PHACTR2: variants seen among roughly 807,000 people sequenced by gnomAD.
PHACTR2 encodes the protein chromosome 6 open reading frame 56.
Under a neutral mutation model 76.0 loss-of-function variants are expected in PHACTR2, and 30 were observed. The observed-to-expected ratio is 0.39, with a 90% CI of 0.30 to 0.54. The LOEUF (loss-of-function observed/expected upper bound fraction) is 0.54. Ranked by LOEUF, PHACTR2 falls within the 20% of genes least tolerant of loss-of-function variation. The pLI, the probability that PHACTR2 is intolerant of heterozygous loss-of-function variation, is 0.61. For synonymous variants in PHACTR2, 292 were observed against 292.5 expected, an observed-to-expected ratio of 1.00 and a Z score of 0.02; for missense variants, 696 against 781.1, an observed-to-expected ratio of 0.89 and a Z score of 1.30.
In PHACTR2 at chr6:143,754,484, T is replaced by C. The variant is rs1024180737; in HGVS notation, c.454+572T>C. Among the ~76,000 whole-genome samples, 5 of 152,226 alleles carry C rather than the reference T, an allele frequency of 3.3e-5. No individual in the cohort carries two copies. Among genetic ancestry groups the C allele is most frequent in the Admixed American group, 3.3e-4 (5 of 15,284 alleles). On this transcript the variant is annotated intron_variant, in intron 4 of 12. Coordinates refer to ENST00000440869, the MANE Select transcript of PHACTR2 (RefSeq NM_001100164.2). The surrounding 1 kb of genome is among the most constrained non-coding windows in gnomAD (Gnocchi z 6.2). ...TCTGCTGGCTGATTCCCACAGCCTCTGTGCAATTGGAAACTTCAAAATGTG... is the reference window on the plus strand; with the variant it reads ...TCTGCTGGCTGATTCCCACAGCCTCCGTGCAATTGGAAACTTCAAAATGTG...
chr6:143,744,894 A>G (rs1394814676), intron 2 of PHACTR2, among the ~76,000 whole-genome samples: 1 of 152,234 alleles, frequency 6.6e-6, no homozygotes, highest in Non-Finnish European at 1.5e-5. Context: ...CTGTCAAAAC[A>G]TCAATTAGCC....
chr6:143,748,047 T>C (rs1779105044), intron 2 of PHACTR2, among the ~76,000 whole-genome samples: 3 of 152,000 alleles, frequency 2.0e-5, no homozygotes, highest in Admixed American at 2.0e-4. Flanking sequence ...GCTTTACATG[T>C]CTGTGAAAAC....
At chr6:143,668,683 C>G (rs1777091226) in intron 1 of PHACTR2, among the ~76,000 whole-genome samples, 1 of 152,160 alleles carries the variant, frequency 6.6e-6, no homozygotes, top group Admixed American at 6.5e-5. Flanking sequence ...ATAGTATTCT[C>G]TGATAGTAGT....
At chr6:143,728,541 A>G (rs1228222551) in intron 2 of PHACTR2, among the ~76,000 whole-genome samples, 1 of 152,190 alleles carries the variant, frequency 6.6e-6, no homozygotes, top group African/African-American at 2.4e-5. Flanking sequence ...AATCCTGAGC[A>G]AAAAGAAGAA....
intron 12 of PHACTR2, among the ~76,000 whole-genome samples, chr6:143,814,123 T>G (rs1249500967): frequency 6.6e-6 from 1 of 152,142 alleles, no homozygotes. Flanking sequence ...TGGGGGGCCG[T>G]GGCCAGAGGA....
In PHACTR2 at chr6:143,783,081, T is replaced by C; in HGVS notation, c.1646-138T>C. 3.4e-6 allele frequency: 2 copies of C among 583,074 alleles called. No individual in the cohort carries two copies. The highest frequency in any genetic ancestry group is 6.3e-6 in the Non-Finnish European group (2 of 315,868). 36.1% of individuals were successfully genotyped at this position (583,074 alleles called of 1,614,324 possible). ...ATGATCAACCTTCCTACAAAATATT[T>C]TGACAACTTTTTAACAATGTTGGTT... On this transcript the variant is annotated intron_variant, in intron 9 of 12. Coordinates refer to ENST00000440869, the MANE Select transcript of PHACTR2 (RefSeq NM_001100164.2). The surrounding 1 kb of genome is among the most constrained non-coding windows in gnomAD (Gnocchi z 5.2).
rs1323983585 is a variant in PHACTR2, at chr6:143,750,870, T to A, written c.295+1805T>A. On this transcript the variant is annotated intron_variant, in intron 3 of 12. Coordinates refer to ENST00000440869, the MANE Select transcript of PHACTR2 (RefSeq NM_001100164.2). This position sits in a 1 kb window ranked among gnomAD's most constrained non-coding sequence, Gnocchi z 4.6. ...AATAATAGGCTTAATGTTTGAGAAG[T>A]CATAAAATACTAGATTTTACTTTCC... Among the ~76,000 whole-genome samples the A allele has an allele frequency of 6.6e-6, 1 of 152,182 alleles. No individual in the cohort carries two copies. Among genetic ancestry groups the A allele is most frequent in the Non-Finnish European group, 1.5e-5 (1 of 68,028 alleles).
chr6:143,620,681 T>G, intron 1 of PHACTR2, among the ~76,000 whole-genome samples: 1 of 151,924 alleles, frequency 6.6e-6, no homozygotes, highest in East Asian at 1.9e-4. Flanking sequence ...ATAAAATCCA[T>G]GTCTGCTTGA....
At chr6:143,711,182 A>C in intron 1 of PHACTR2, 1 of 360,830 alleles carries the variant, frequency 2.8e-6, no homozygotes, top group South Asian at 2.2e-5. Flanking sequence ...TCCAAGAAAA[A>C]ACTACTGTTT....
chr6:143,710,089 A>G lies in PHACTR2; in HGVS notation c.47-1927A>G, dbSNP rs2128460613. Among the ~76,000 whole-genome samples the G allele has an allele frequency of 6.6e-6, 1 of 152,222 alleles. No individual in the cohort carries two copies. The highest frequency in any genetic ancestry group is 2.4e-5 in the African/African-American group (1 of 41,526). ...AGCAGTTATTGTCTAAAAGTTTCTT[A>G]TGTTGCTACTCTGCCCCTTTCCTGG... On this transcript the variant is annotated intron_variant, in intron 1 of 12. Coordinates refer to ENST00000440869, the MANE Select transcript of PHACTR2 (RefSeq NM_001100164.2). The surrounding 1 kb of genome is among the most constrained non-coding windows in gnomAD (Gnocchi z 4.9).
At position 143,619,166 on chromosome 6, in the gene PHACTR2, A is replaced by G. The variant is rs1440381043; in HGVS notation, c.13+10844A>G. ...AATCTTCCTGCCTGTCTGTCTGTCC[A>G]TCCATCCATCCATCTACCTGCATGC... On this transcript the variant is annotated intron_variant, in intron 1 of 11. Transcript: ENST00000305766. This position sits in a 1 kb window ranked among gnomAD's most constrained non-coding sequence, Gnocchi z 4.5. Among the ~76,000 whole-genome samples, 1 of 151,432 alleles carries G rather than the reference A, an allele frequency of 6.6e-6. No homozygotes were observed. Among genetic ancestry groups the G allele is most frequent in the Non-Finnish European group, 1.5e-5 (1 of 67,786 alleles).
At chr6:143,686,984 CT>C (rs1562270007) in intron 1 of PHACTR2, among the ~76,000 whole-genome samples, 1 of 152,046 alleles carries the variant, frequency 6.6e-6, no homozygotes, top group African/African-American at 2.4e-5. Flanking sequence ...TTTTCAGCTA[CT>C]TTTTTTTCCT....
intron 2 of PHACTR2, among the ~76,000 whole-genome samples, chr6:143,746,854 C>T (rs1217320656): frequency 1.3e-5 from 2 of 151,438 alleles, no homozygotes; most frequent in Middle Eastern, 3.4e-3. Context: ...AAAAAAGACT[C>T]TTTGCCCGGT....
rs562053509 is a variant in PHACTR2, at chr6:143,737,260, G to A, written c.215-11725G>A. Among the ~76,000 whole-genome samples, 80 of 150,976 alleles carry A rather than the reference G, an allele frequency of 5.3e-4. No individual in the cohort carries two copies. In the South Asian group the frequency reaches 0.012, roughly 22 times the overall value. On this transcript the variant is annotated intron_variant, in intron 2 of 12. Coordinates refer to ENST00000440869, the MANE Select transcript of PHACTR2 (RefSeq NM_001100164.2). ...TATATATTATATATATGTCTATGTA[G>A]TATATAGCAGTCTATTCTTTTTAAA...
Position 143,663,034 on chromosome 6 carries a change from C to T in PHACTR2, c.14-48982C>T, listed in dbSNP as rs1026029628. Reference sequence around the variant, plus strand: ...GCTGCATCCATGTTGCTGCAAAGGACATTATTTCATTCTTTTTTTATGGCT... The same window carrying T: ...GCTGCATCCATGTTGCTGCAAAGGATATTATTTCATTCTTTTTTTATGGCT... On this transcript the variant is annotated intron_variant, in intron 1 of 11. Coordinates refer to the PHACTR2 transcript ENST00000305766. This position sits in a 1 kb window ranked among gnomAD's most constrained non-coding sequence, Gnocchi z 4.1. 2.0e-5 allele frequency among the ~76,000 whole-genome samples: 3 copies of T among 152,130 alleles called. No individual in the cohort carries two copies. The highest frequency in any genetic ancestry group is 7.2e-5 in the African/African-American group (3 of 41,416).
chr6:143,655,159 A>C (rs1392510248), intron 1 of PHACTR2, among the ~76,000 whole-genome samples: 2 of 82,668 alleles, frequency 2.4e-5, no homozygotes, highest in Non-Finnish European at 6.2e-5. Context: ...CTCCGTCTCA[A>C]AAAAAAAAAA....
Position 143,749,004 on chromosome 6 carries a change from C to T in PHACTR2, c.234C>T (p.Ser78=). The T allele has an allele frequency of 6.4e-7, 1 of 1,572,146 alleles. No individual in the cohort carries two copies. The highest frequency in any genetic ancestry group is 8.8e-7 in the Non-Finnish European group (1 of 1,142,618). ...TAAAAGTATTAGAAAGGAAGATATC[C>T]ACACGACAAAGTAGAGAGGAGCTGA... The part of the protein sequence containing the change: ...ETSAVLERKI[S]TRQSREELIR... The change falls in exon 3 of 13, where the codon TCC becomes TCT. Residue 78 remains serine (S), a synonymous_variant. Coordinates refer to ENST00000440869, the MANE Select transcript of PHACTR2 (RefSeq NM_001100164.2).
intron 11 of PHACTR2, among the ~76,000 whole-genome samples, chr6:143,792,052 A>G (rs1775703457): frequency 6.6e-6 from 1 of 152,108 alleles, no homozygotes; most frequent in Non-Finnish European, 1.5e-5. Flanking sequence ...TTGGTCCCCA[A>G]TTTATGGAGA....
At position 143,537,636 on chromosome 6, in the gene PHACTR2, T is replaced by TG. The variant is rs1224982003; in HGVS notation, c.217+432dup. On this transcript the variant is annotated intron_variant, in intron 1 of 11. Coordinates refer to the PHACTR2 transcript ENST00000367584. The surrounding 1 kb of genome is among the most constrained non-coding windows in gnomAD (Gnocchi z 4.4). Reference sequence around the variant, plus strand: ...TGCGGGCTGGGACCAGGGCAGGTCTTGGGAGGCTTCCCAACTAACTGCTTA... The same window carrying TG: ...TGCGGGCTGGGACCAGGGCAGGTCTTGGGGAGGCTTCCCAACTAACTGCTTA... 6.6e-6 allele frequency among the ~76,000 whole-genome samples: 1 copy of TG among 152,180 alleles called. No individual in the cohort carries two copies. The highest frequency in any genetic ancestry group is 2.4e-5 in the African/African-American group (1 of 41,458).
Sources: gnomAD v4.1 joint callset for allele counts (sites outside exome capture counted in the v4.1 genomes callset) on GRCh38, gnomAD v4.1.1 for gene constraint, Gnocchi (gnomAD v3.1) non-coding constraint, MANE v1.5 for transcripts, NCBI Gene and HGNC (gene_info 2026-07-23, HGNC 2026-07-21) for gene names.